CHN2: variants seen among roughly 807,000 people sequenced by gnomAD.
The protein encoded by CHN2 is chimerin 2.
In CHN2, 35 loss-of-function variants were observed where a neutral mutation model predicts 56.3. That is an observed-to-expected ratio of 0.62 (90% CI 0.47 to 0.82). The LOEUF is 0.82. Among genes scored for constraint, CHN2 ranks in the 40% least tolerant of loss-of-function variants. The pLI is 0.00. For missense variants in CHN2, 491 were observed against 580.5 expected, an observed-to-expected ratio of 0.85 and a Z score of 1.58; for synonymous variants, 210 against 212.8, an observed-to-expected ratio of 0.99 and a Z score of 0.12.
At chr7:29,404,428 A>T (rs1244149955) in intron 6 of CHN2, among the ~76,000 whole-genome samples, 1 of 152,208 alleles carries the variant, frequency 6.6e-6, no homozygotes, top group Non-Finnish European at 1.5e-5. Context: ...ATAAAAGCAC[A>T]TTTAAGAATA....
At chr7:29,148,874 C>CA (rs951265962) in intron 2 of CHN2, among the ~76,000 whole-genome samples, 99 of 152,206 alleles carry the variant, frequency 6.5e-4, no homozygotes, top group Middle Eastern at 3.4e-3. Flanking sequence ...GAACAGAGGA[C>CA]AGGGACCAAA....
At chr7:29,466,843 A>G (rs1179906716) in intron 6 of CHN2, among the ~76,000 whole-genome samples, 6 of 152,082 alleles carry the variant, frequency 3.9e-5, no homozygotes, top group Non-Finnish European at 1.5e-5. Flanking sequence ...CTGGGAAAAA[A>G]TATTTTGTTT....
At chr7:29,329,927 T>C (rs1187491659) in intron 1 of CHN2, among the ~76,000 whole-genome samples, 11 of 152,222 alleles carry the variant, frequency 7.2e-5, no homozygotes, top group Admixed American at 7.2e-4. Context: ...CTCCCAGAGC[T>C]CTCACTGTCT....
intron 1 of CHN2, among the ~76,000 whole-genome samples, chr7:29,317,741 T>A (rs1795059813): frequency 6.6e-6 from 1 of 151,896 alleles, no homozygotes; most frequent in Non-Finnish European, 1.5e-5. Flanking sequence ...GTGGGACATA[T>A]GAGATATGAG....
intron 1 of CHN2, among the ~76,000 whole-genome samples, chr7:29,324,605 CT>C (rs67912096): frequency 0.27 from 38,534 of 144,116 alleles, 5,227 homozygotes; most frequent in Non-Finnish European, 0.34. Flanking sequence ...TCAGCTGTGA[CT>C]TTTTTTTTTT....
chr7:29,351,030 C>A (rs34763750), intron 1 of CHN2, among the ~76,000 whole-genome samples: 34,898 of 149,648 alleles, frequency 0.23, 4,598 homozygotes, highest in Non-Finnish European at 0.3. Flanking sequence ...ATCACTTGAA[C>A]CTGGGAGGCG....
At chr7:29,197,602 A>C (rs1783841100) in intron 1 of CHN2, among the ~76,000 whole-genome samples, 1 of 152,246 alleles carries the variant, frequency 6.6e-6, no homozygotes, top group Non-Finnish European at 1.5e-5. Flanking sequence ...TGGAGACATG[A>C]ATCCAACACA....
intron 6 of CHN2, among the ~76,000 whole-genome samples, chr7:29,478,652 A>C (rs1585540234): frequency 6.6e-6 from 1 of 152,294 alleles, no homozygotes; most frequent in South Asian, 2.1e-4. Context: ...TCCTTGGGCA[A>C]ATTGCTTTAC....
intron 1 of CHN2, among the ~76,000 whole-genome samples, chr7:29,262,051 C>T (rs1168656309): frequency 6.6e-6 from 1 of 152,090 alleles, no homozygotes; most frequent in Non-Finnish European, 1.5e-5. Flanking sequence ...GCCTGTAATC[C>T]CAGCTACTCG....
rs1301495230 is a variant in CHN2, at chr7:29,393,738, A to G, written c.176+28A>G. ...ATGTATTATACTATTCTTTGTTTTAATAATTTAATAAGTAGTCATTTCATG... is the reference window on the plus strand; with the variant it reads ...ATGTATTATACTATTCTTTGTTTTAGTAATTTAATAAGTAGTCATTTCATG... On this transcript the variant is annotated intron_variant, in intron 4 of 12. Coordinates refer to ENST00000222792, the MANE Select transcript of CHN2 (RefSeq NM_004067.4). 5 of 741,992 alleles carry G rather than the reference A, an allele frequency of 6.7e-6. No individual in the cohort carries two copies. The South Asian group carries it at 9.1e-5, about 14-fold the overall frequency. 46.0% of individuals were successfully genotyped at this position (741,992 alleles called of 1,614,324 possible). A position where few individuals can be genotyped will look rare whatever the true frequency, so the allele number is the denominator to read the frequency against.
intron 7 of CHN2, among the ~76,000 whole-genome samples, chr7:29,485,882 T>TTA (rs1377613812): frequency 1.3e-5 from 2 of 152,054 alleles, no homozygotes; most frequent in African/African-American, 4.8e-5. Flanking sequence ...GCATCACTCT[T>TTA]TCCTGCCAAA....
chr7:29,174,796 G>T (rs1338087774), intron 2 of CHN2, among the ~76,000 whole-genome samples: 2 of 151,508 alleles, frequency 1.3e-5, no homozygotes, highest in East Asian at 3.9e-4. Context: ...AGAGGTGGAG[G>T]TTGCAGTGAG....
At chr7:29,187,864 A>T (rs1798907549) in intron 2 of CHN2, among the ~76,000 whole-genome samples, 1 of 152,256 alleles carries the variant, frequency 6.6e-6, no homozygotes, top group Non-Finnish European at 1.5e-5. Flanking sequence ...ATTGTTGGGC[A>T]TACATTCATT....
intron 1 of CHN2, among the ~76,000 whole-genome samples, chr7:29,306,879 A>AC (rs765674545): frequency 4.6e-5 from 7 of 152,330 alleles, no homozygotes; most frequent in Non-Finnish European, 7.3e-5. Flanking sequence ...CTGTCCTCTA[A>AC]CACAATAATG....
In CHN2 at chr7:29,279,096, A is replaced by C. The variant is rs541265530; in HGVS notation, c.50-75529A>C. On this transcript the variant is annotated intron_variant, in intron 1 of 12. Transcript: ENST00000222792. ...TAGCTTGAGCGGCAGCATCGTTTTC[A>C]CCCAAGGGATTCAGCACATCAGTTT... 3.5e-4 allele frequency among the ~76,000 whole-genome samples: 53 copies of C among 152,032 alleles called. 2 individuals carry two copies. The South Asian group carries it at 0.011, about 31-fold the overall frequency.
At chr7:29,385,860 C>T (rs929254991) in intron 3 of CHN2, among the ~76,000 whole-genome samples, 6 of 152,182 alleles carry the variant, frequency 3.9e-5, no homozygotes, top group African/African-American at 7.2e-5. Context: ...GCTTTTGTCT[C>T]GAGCACCCCT....
chr7:29,150,061 C>A (rs1314092270), intron 2 of CHN2, among the ~76,000 whole-genome samples: 4 of 152,194 alleles, frequency 2.6e-5, no homozygotes, highest in African/African-American at 9.7e-5. Flanking sequence ...GTTAAGCCTT[C>A]TTTGATTGGC....
intron 2 of CHN2, among the ~76,000 whole-genome samples, chr7:29,361,959 C>T (rs1798770324): frequency 6.6e-6 from 1 of 152,184 alleles, no homozygotes; most frequent in Admixed American, 6.5e-5. Flanking sequence ...TCCTTGTCTC[C>T]AGTGTTCCCC....
At chr7:29,436,005 T>A (rs775776889) in intron 6 of CHN2, among the ~76,000 whole-genome samples, 2 of 151,848 alleles carry the variant, frequency 1.3e-5, no homozygotes, top group Non-Finnish European at 2.9e-5. Context: ...TGAAGCAGTC[T>A]TCTCTCACTA....
Sources: allele counts gnomAD v4.1 joint callset (sites outside exome capture counted in the v4.1 genomes callset), GRCh38; gene constraint gnomAD v4.1.1; transcripts MANE v1.5; gene names NCBI Gene and HGNC (gene_info 2026-07-23, HGNC 2026-07-21).